The following SCML2 variants were observed in gnomAD, a reference collection of about 807,000 sequenced individuals.
SCML2 encodes sex comb on midleg-like protein 2.
Under a neutral mutation model 48.4 loss-of-function variants are expected in SCML2, and 6 were observed. The observed-to-expected ratio is 0.12, with a 90% confidence interval of 0.07 to 0.24. The LOEUF is 0.24. Among genes scored for constraint, SCML2 ranks in the 10% least tolerant of loss-of-function variants. The probability of loss-of-function intolerance (pLI) is 1.00; values close to 1 mark genes in which losing one functional copy is unlikely to be tolerated. For synonymous variants in SCML2, 181 were observed against 189.5 expected (o/e 0.95, Z 0.37); for missense variants, 377 against 528.2 (o/e 0.71, Z 2.81).
chrX:18,264,254 C>T (rs923001391), intron 8 of SCML2, among the ~76,000 whole-genome samples: 1 of 111,466 alleles, frequency 9.0e-6, no homozygotes, highest in Non-Finnish European at 1.9e-5. Flanking sequence ...TGGATAATTT[C>T]TATTCTTCTA....
At chrX:18,245,988 C>T (rs766540054) in intron 13 of SCML2, among the ~76,000 whole-genome samples, 11 of 112,456 alleles carry the variant, frequency 9.8e-5, no homozygotes, top group South Asian at 3.7e-4. Context: ...ATCTGCCTGC[C>T]TCGGCCTCCC....
At chrX:18,324,288 T>C (rs1210136595) in intron 4 of SCML2, among the ~76,000 whole-genome samples, 195 bp from the exon 5 acceptor site, 1 of 111,133 alleles carries the variant, frequency 9.0e-6, no homozygotes, top group Non-Finnish European at 1.9e-5. Flanking sequence ...ATAAAAACAC[T>C]ACCCGCTGCT....
At chrX:18,351,142 C>T (rs191879101) in intron 1 of SCML2, among the ~76,000 whole-genome samples, 1 of 110,297 alleles carries the variant, frequency 9.1e-6, no homozygotes, top group East Asian at 2.9e-4. Context: ...TGGTGGCACA[C>T]CCCTGTAATC....
chrX:18,337,996 C>T (rs1192710719), intron 1 of SCML2, among the ~76,000 whole-genome samples: 6 of 112,291 alleles, frequency 5.3e-5, no homozygotes, highest in Non-Finnish European at 1.1e-4. Flanking sequence ...TTAATCAACA[C>T]ACTCTGAAAT....
At chrX:18,247,681 A>G (rs1483895824) in intron 12 of SCML2, 88 bp downstream of exon 12, 3 of 667,988 alleles carry the variant, frequency 4.5e-6, no homozygotes, top group Non-Finnish European at 6.8e-6. Context: ...TTACCTCCCT[A>G]CCTCCAATAC....
intron 3 of SCML2, 147 bp from the exon 4 acceptor site, chrX:18,325,124 A>C: frequency 2.6e-6 from 1 of 381,850 alleles, no homozygotes; most frequent in Non-Finnish European, 4.6e-6. Context: ...AGATTCAAAA[A>C]TCCTGATCTA....
chrX:18,320,351 G>C lies in SCML2; in HGVS notation c.467C>G (p.Ser156Cys), dbSNP rs145582013. 5 of 1,138,948 alleles carry C rather than the reference G, an allele frequency of 4.4e-6. No homozygotes were observed. Among genetic ancestry groups the C allele is most frequent in the Non-Finnish European group, 5.9e-6 (5 of 845,729 alleles). 93.9% of individuals were successfully genotyped at this position (1,138,948 alleles called of 1,213,427 possible). Residue 156 changes from serine to cysteine, a missense_variant, in exon 6 of 15, where the codon TCT (serine) becomes TGT (cysteine). Physicochemically the swap from Ser to Cys is moderately radical, Grantham distance 112. Transcript: ENST00000251900. ...TCTTACCTTCTTAAATAATGTGGCAGATGCCATTTCAGACCCATTTAGTGT... is the reference window on the plus strand; with the variant it reads ...TCTTACCTTCTTAAATAATGTGGCACATGCCATTTCAGACCCATTTAGTGT... Reference protein sequence around the residue: ...LKTLNGSEMASATLFKKEPPK... With the variant: ...LKTLNGSEMACATLFKKEPPK...
rs751396310 is a variant in SCML2, at chrX:18,305,124, G to C, written c.578C>G (p.Thr193Ser). 1.7e-5 allele frequency: 20 copies of C among 1,208,241 alleles called. No individual in the cohort carries two copies. The highest frequency in any genetic ancestry group is 1.2e-5 in the Non-Finnish European group (11 of 894,625). The change falls in exon 7 of 15, where the codon ACC becomes AGC. Residue 193 changes from threonine (T) to serine (S), a missense_variant. Transcript: ENST00000251900. Reference sequence around the variant, plus strand: ...TTCATCCCCTTTAACATCTCCAATGGTCGCAGGACAGATGAGATACGGGTT... The same window carrying C: ...TTCATCCCCTTTAACATCTCCAATGCTCGCAGGACAGATGAGATACGGGTT... ...KKNPYLICPA[T>S]IGDVKGDEVH...
At chrX:18,319,055 G>A (rs1283244717) in intron 6 of SCML2, among the ~76,000 whole-genome samples, 1 of 112,017 alleles carries the variant, frequency 8.9e-6, no homozygotes, top group Non-Finnish European at 1.9e-5. Context: ...TGAAAACACA[G>A]GGAAAAGGCA....
intron 6 of SCML2, among the ~76,000 whole-genome samples, chrX:18,313,278 C>T (rs893275139): frequency 9.0e-6 from 1 of 110,592 alleles, no homozygotes; most frequent in African/African-American, 3.3e-5. Flanking sequence ...GGGAGGGACC[C>T]GGGGGAGGTA....
chrX:18,301,078 G>A (rs1928572542), intron 7 of SCML2, among the ~76,000 whole-genome samples: 3 of 111,901 alleles, frequency 2.7e-5, no homozygotes, highest in Non-Finnish European at 3.8e-5. Context: ...GATGGAAGTT[G>A]CAGAATACTT....
In SCML2 at chrX:18,239,578, T is replaced by G. The variant is rs1602066710; in HGVS notation, c.*1673A>C. 1 of 113,140 alleles carries G rather than the reference T, an allele frequency of 8.8e-6. No homozygotes were observed. Among genetic ancestry groups the G allele is most frequent in the Middle Eastern group, 4.6e-3 (1 of 217 alleles). The allele number at this position is 113,140 out of a possible 1,213,427, so 9.3% of individuals were successfully genotyped here. On this transcript the variant is annotated 3_prime_UTR_variant, in exon 15 of 15. Coordinates refer to ENST00000251900, the MANE Select transcript of SCML2 (RefSeq NM_006089.3). ...TTCTTGCCCCTGGTGAATATTTTAT[T>G]GGCATTTACAACAAATGGCTAATAC...
At chrX:18,323,548 C>G in intron 5 of SCML2, among the ~76,000 whole-genome samples, 1 of 111,352 alleles carries the variant, frequency 9.0e-6, no homozygotes, top group Non-Finnish European at 1.9e-5. Context: ...AAGTTCTTCC[C>G]CAGAAGGAGT....
rs189793782 is a variant in SCML2 at position 18,306,878 on chromosome X, G to A, written c.487-1663C>T. Among the ~76,000 whole-genome samples the A allele has an allele frequency of 8.8e-3, 965 of 109,869 alleles. 10 individuals are homozygous for A. The highest frequency in any genetic ancestry group is 0.03 in the African/African-American group (913 of 30,210). On this transcript the variant is annotated intron_variant, in intron 6 of 14. Transcript: ENST00000251900. ...AGATGAGGGCCTCGCTATGTTGGCCGGGCTGGTCTCGAACTCCTGGCCTAA... is the reference window on the plus strand; with the variant it reads ...AGATGAGGGCCTCGCTATGTTGGCCAGGCTGGTCTCGAACTCCTGGCCTAA...
chrX:18,268,707 T>C (rs1427270920), intron 7 of SCML2, among the ~76,000 whole-genome samples: 1 of 109,222 alleles, frequency 9.2e-6, no homozygotes, highest in East Asian at 2.9e-4. Context: ...GCATGGCACA[T>C]GTATACATAT....
At chrX:18,324,282 A>C (rs999071373) in intron 4 of SCML2, among the ~76,000 whole-genome samples, 189 bp from the exon 5 acceptor site, 1 of 111,105 alleles carries the variant, frequency 9.0e-6, no homozygotes, top group Non-Finnish European at 1.9e-5. Flanking sequence ...TGCAGCATAA[A>C]AACACTACCC....
At position 18,305,138 on chromosome X, in the gene SCML2, G is replaced by A. The variant is rs1483585618; in HGVS notation, c.564C>T (p.Leu188=). The A allele has an allele frequency of 8.3e-7, 1 of 1,207,410 alleles. No individual in the cohort carries two copies. Residue 188 remains leucine, a synonymous_variant, in exon 7 of 15, where the codon CTC becomes CTT. Coordinates refer to ENST00000251900, the MANE Select transcript of SCML2 (RefSeq NM_006089.3). The part of the protein sequence containing the change: ...LEAIDKKNPY[L]ICPATIGDVK... ...CATCTCCAATGGTCGCAGGACAGATGAGATACGGGTTCTTTTTGTCAATAG... is the reference window on the plus strand; with the variant it reads ...CATCTCCAATGGTCGCAGGACAGATAAGATACGGGTTCTTTTTGTCAATAG...
intron 7 of SCML2, among the ~76,000 whole-genome samples, chrX:18,290,027 T>C (rs746922807): frequency 9.0e-6 from 1 of 111,007 alleles, no homozygotes; most frequent in South Asian, 3.8e-4. Flanking sequence ...TTTTAAAACA[T>C]CAAACGTTTA....
At position 18,256,198 on chromosome X, in the gene SCML2, T is replaced by A. The variant is rs759687739; in HGVS notation, c.1456+650A>T. 8.1e-5 allele frequency among the ~76,000 whole-genome samples: 9 copies of A among 111,303 alleles called. No individual in the cohort carries two copies. The East Asian group carries it at 2.0e-3, about 25-fold the overall frequency. On this transcript the variant is annotated intron_variant, in intron 11 of 14. Coordinates refer to ENST00000251900, the MANE Select transcript of SCML2 (RefSeq NM_006089.3). ...GGGTGTGGAGGCTCACACCTGTAAA[T>A]CCCAGCACTTTGGGAGGCCAAGGCG...
Sources: allele counts gnomAD v4.1 joint callset (sites outside exome capture counted in the v4.1 genomes callset), GRCh38; gene constraint gnomAD v4.1.1; transcripts MANE v1.5; gene names NCBI Gene and HGNC (gene_info 2026-07-23, HGNC 2026-07-21).